Variants in TULP1 observed in about 807,000 individuals in gnomAD.
The protein encoded by TULP1 is tubby-related protein 1.
In TULP1, 50 loss-of-function variants were observed where a neutral mutation model predicts 67.1. That is an observed-to-expected ratio of 0.75 (90% CI 0.59 to 0.94). TULP1 has a LOEUF of 0.94. TULP1 is among the 40% of genes least tolerant of loss of function. The pLI is 0.00. For missense variants in TULP1, 746 were observed against 734.1 expected, an observed-to-expected ratio of 1.02 and a Z score of -0.19; for synonymous variants, 297 against 294.0, an observed-to-expected ratio of 1.01 and a Z score of -0.11.
intron 4 of TULP1, 85 bp from the exon 5 acceptor site, chr6:35,511,095 T>C: frequency 6.3e-7 from 1 of 1,585,248 alleles, no homozygotes; most frequent in South Asian, 1.1e-5. Flanking sequence ...TGCTGGGAAG[T>C]GGTGCATGGG....
chr6:35,498,560 T>C lies in TULP1; in HGVS notation c.1496-100A>G. On this transcript the variant is annotated intron_variant, in intron 14 of 14. Coordinates refer to ENST00000229771, the MANE Select transcript of TULP1 (RefSeq NM_003322.6). This position sits in a 1 kb window ranked among gnomAD's most constrained non-coding sequence, Gnocchi z 6.7. Reference sequence around the variant, plus strand: ...CTTGGGGGCAGTCTGTCCCTTGCCTTGGGGCTCCAACCCTCAGCCACCATC... The same window carrying C: ...CTTGGGGGCAGTCTGTCCCTTGCCTCGGGGCTCCAACCCTCAGCCACCATC... The C allele has an allele frequency of 6.4e-7, 1 of 1,558,702 alleles. No individual in the cohort carries two copies. Among genetic ancestry groups the C allele is most frequent in the African/African-American group, 1.3e-5 (1 of 74,098 alleles).
intron 13 of TULP1, 103 bp from the exon 14 acceptor site, chr6:35,500,255 G>A (rs1387976258): frequency 1.6e-6 from 2 of 1,282,440 alleles, no homozygotes; most frequent in Non-Finnish European, 2.2e-6. Flanking sequence ...GCACAGGGGT[G>A]TGGCCTGGAC....
At position 35,499,984 on chromosome 6, in the gene TULP1, C is replaced by T. The variant is rs62636515; in HGVS notation, c.1492G>A (p.Asp498Asn). ...VKNFQIVHAD[D>N]PDYIVLQFGR... ...ACCTGGGCCCTCAGGTACTCACGGT[C>T]ATCAGCGTGGACAATCTGGAAGTTC... The change falls in exon 14 of 15, where the codon GAC becomes AAC. Residue 498 changes from aspartate to asparagine, a missense_variant. Physicochemically the swap from Asp to Asn is conservative, Grantham distance 23 (BLOSUM62 1). This residue lies in a region of TULP1 where 383 missense variants were observed against 374.1 expected (regional missense o/e 1.02). Transcript: ENST00000229771. 6.2e-7 allele frequency: 1 copy of T among 1,613,978 alleles called. No individual in the cohort carries two copies. The highest frequency in any genetic ancestry group is 8.5e-7 in the Non-Finnish European group (1 of 1,180,016).
In TULP1 at chr6:35,511,712, G is replaced by A. The variant is rs1250101174; in HGVS notation, c.285C>T (p.Pro95=). Residue 95 remains proline, a synonymous_variant, in exon 4 of 15, where the codon CCC becomes CCT. Transcript: ENST00000229771. ...CCCGGGGGTCGCGCTTCTTGGCCTC[G>A]GGGTCCCTGAGGAACCTGGCGTAGA... ...QTVYARFLRD[P]EAKKRDPRET... is the part of the protein sequence containing the mutation. 1.3e-6 allele frequency: 2 copies of A among 1,592,916 alleles called. No homozygotes were observed. The highest frequency in any genetic ancestry group is 2.7e-5 in the African/African-American group (2 of 74,290).
Position 35,498,437 on chromosome 6 carries a change from C to T in TULP1, c.1519G>A (p.Gly507Ser), listed in dbSNP as rs2150921632. Residue 507 changes from glycine (G) to serine (S), a missense_variant, in exon 15 of 15, where the codon GGC (glycine) becomes AGC (serine). By Grantham distance (56) the Gly-to-Ser change is moderately conservative. Around this residue, in one of 3 missense-constraint regions of TULP1, gnomAD observed 383 missense variants for 374.1 expected, o/e 1.02. Coordinates refer to ENST00000229771, the MANE Select transcript of TULP1 (RefSeq NM_003322.6). This position sits in a 1 kb window ranked among gnomAD's most constrained non-coding sequence, Gnocchi z 6.7. ...DDPDYIVLQFGRVAEDAFTLD... is the reference protein window; with the variant it reads ...DDPDYIVLQFSRVAEDAFTLD... The stretch of plus-strand genomic sequence containing the variant: ...GTGAAGGCGTCCTCCGCCACGCGGC[C>T]GAACTGCAGCACGATATAGTCGGCT... The T allele has an allele frequency of 6.2e-7, 1 of 1,613,956 alleles. No individual in the cohort carries two copies. The highest frequency in any genetic ancestry group is 1.7e-5 in the Admixed American group (1 of 60,026).
chr6:35,499,063 GGGC>G (rs1768773688), intron 14 of TULP1, among the ~76,000 whole-genome samples: 1 of 152,166 alleles, frequency 6.6e-6, no homozygotes, highest in African/African-American at 2.4e-5. Flanking sequence ...GTGGCACTGG[GGGC>G]ACATCCCTAG....
intron 8 of TULP1, among the ~76,000 whole-genome samples, chr6:35,508,596 T>C (rs1178707874): frequency 6.6e-6 from 1 of 152,220 alleles, no homozygotes; most frequent in Non-Finnish European, 1.5e-5. Context: ...TTACTCCAGC[T>C]TTTGTGTGTT....
In TULP1 at chr6:35,503,761, C is replaced by T. The variant is rs1411109855; in HGVS notation, c.1200G>A (p.Arg400=). ...RGYSTNVASL[R]QELAAVIYET... The stretch of plus-strand genomic sequence containing the variant: ...CATAGATCACAGCTGCCAGCTCCTG[C>T]CGAAGGCTTGCCACATTAGTGCTGT... Residue 400 remains arginine (R), a synonymous_variant, in exon 12 of 15, where the codon CGG becomes CGA. Transcript: ENST00000229771. This position sits in a 1 kb window ranked among gnomAD's most constrained non-coding sequence, Gnocchi z 4.0. The T allele has an allele frequency of 1.2e-6, 2 of 1,613,470 alleles. No individual in the cohort carries two copies. Among genetic ancestry groups the T allele is most frequent in the East Asian group, 4.5e-5 (2 of 44,866 alleles).
At chr6:35,512,390 G>T in intron 2 of TULP1, 120 bp from the exon 3 acceptor site, 1 of 674,666 alleles carries the variant, frequency 1.5e-6, no homozygotes, top group Non-Finnish European at 2.5e-6. Context: ...GGGAACTGCA[G>T]CCCCCTTCTT....
chr6:35,507,150 C>T (rs576154462), intron 8 of TULP1, among the ~76,000 whole-genome samples: 1 of 148,250 alleles, frequency 6.7e-6, no homozygotes, highest in Non-Finnish European at 1.5e-5. Flanking sequence ...ATATGGCTCT[C>T]TGTCTCTTGG....
intron 11 of TULP1, chr6:35,505,457 G>A (rs1295489869): frequency 1.4e-6 from 1 of 709,108 alleles, no homozygotes. Context: ...CTGCCCTCGT[G>A]GAACTTATGC....
Position 35,498,446 on chromosome 6 carries a change from G to C in TULP1, c.1510C>G (p.Leu504Val). The stretch of plus-strand genomic sequence containing the variant: ...TCCTCCGCCACGCGGCCGAACTGCA[G>C]CACGATATAGTCGGCTATGGACACA... ...VHADDPDYIV[L>V]QFGRVAEDAF... The change falls in exon 15 of 15, where the codon CTG becomes GTG. Residue 504 changes from leucine (L) to valine (V), a missense_variant. Transcript: ENST00000229771. The surrounding 1 kb of genome is among the most constrained non-coding windows in gnomAD (Gnocchi z 6.7). The C allele has an allele frequency of 6.2e-7, 1 of 1,613,944 alleles. No individual in the cohort carries two copies. The highest frequency in any genetic ancestry group is 8.5e-7 in the Non-Finnish European group (1 of 1,180,032).
intron 14 of TULP1, among the ~76,000 whole-genome samples, chr6:35,499,390 G>T (rs1046797239): frequency 1.3e-5 from 2 of 152,216 alleles, no homozygotes; most frequent in Admixed American, 6.5e-5. Context: ...TGATGTGACC[G>T]TGGGCAAGTT....
In TULP1 at chr6:35,506,071, G is replaced by C. The variant is rs373519519; in HGVS notation, c.931C>G (p.Arg311Gly). 7 of 1,613,550 alleles carry C rather than the reference G, an allele frequency of 4.3e-6. No individual in the cohort carries two copies. In the African/African-American group the frequency reaches 9.3e-5, roughly 22 times the overall value. Residue 311 changes from arginine to glycine, a missense_variant, in exon 10 of 15, where the codon CGG becomes GGG. By Grantham distance (125) the Arg-to-Gly change is moderately radical. This residue lies in a region of TULP1 where 383 missense variants were observed against 374.1 expected (regional missense o/e 1.02). Transcript: ENST00000229771. The part of the protein sequence containing the change: ...QGRTVRCRLT[R>G]DKKGMDRGMY... ...CCTCGATCCATGCCCTTTTTGTCCC[G>C]GGTCAGCCGGCAGCGCACCGTGCGG...
intron 11 of TULP1, chr6:35,505,471 G>A: frequency 1.2e-6 from 1 of 854,094 alleles, no homozygotes; most frequent in Admixed American, 2.1e-5. Context: ...CTTATGCCCT[G>A]CTCCAAGTGA....
intron 11 of TULP1, 125 bp downstream of exon 11, chr6:35,505,616 G>A (rs1249092582): frequency 1.3e-6 from 2 of 1,546,746 alleles, no homozygotes; most frequent in South Asian, 1.2e-5. Context: ...AGAGGCCCTA[G>A]GCTAGGGGAC....
intron 8 of TULP1, 34 bp downstream of exon 8, chr6:35,509,175 G>A: frequency 1.3e-6 from 2 of 1,593,702 alleles, no homozygotes; most frequent in East Asian, 2.2e-5. Flanking sequence ...GCTCCCTGAA[G>A]GGACCTCAGC....
Position 35,505,828 on chromosome 6 carries a change from C to T in TULP1, c.1025G>A (p.Arg342Gln), listed in dbSNP as rs756856544. 1.4e-5 allele frequency: 22 copies of T among 1,614,034 alleles called. No homozygotes were observed. Among genetic ancestry groups the T allele is most frequent in the Admixed American group, 1.7e-5 (1 of 59,998 alleles). The part of the protein sequence containing the change: ...KKVFLLAGRK[R>Q]KRSKTANYLI... Reference sequence around the variant, plus strand: ...GTAATTGGCTGTCTTGCTCCGTTTTCGTTTCCTGCCAGCCAAGAGGAACAC... The same window carrying T: ...GTAATTGGCTGTCTTGCTCCGTTTTTGTTTCCTGCCAGCCAAGAGGAACAC... The change falls in exon 11 of 15, where the codon CGA (arginine) becomes CAA (glutamine). Residue 342 changes from arginine (R) to glutamine (Q), a missense_variant. Physicochemically the swap from Arg to Gln is conservative, Grantham distance 43. Coordinates refer to ENST00000229771, the MANE Select transcript of TULP1 (RefSeq NM_003322.6).
At chr6:35,501,911 C>G (rs1434774288) in intron 13 of TULP1, among the ~76,000 whole-genome samples, 1 of 152,144 alleles carries the variant, frequency 6.6e-6, no homozygotes, top group African/African-American at 2.4e-5. Context: ...TTTTAAAGAC[C>G]CTGTCTACCC....
Sources: gnomAD v4.1 joint callset for allele counts (sites outside exome capture counted in the v4.1 genomes callset) on GRCh38, gnomAD v4.1.1 for gene constraint, gnomAD v4.1.1 regional missense constraint, Gnocchi (gnomAD v3.1) non-coding constraint, MANE v1.5 for transcripts, NCBI Gene and HGNC (gene_info 2026-07-23, HGNC 2026-07-21) for gene names.